ADRA1A: variants seen among roughly 807,000 people sequenced by gnomAD.
ADRA1A encodes the protein adrenoceptor alpha 1A.
In ADRA1A, 31 loss-of-function variants were observed where a neutral mutation model predicts 29.6. The ratio of observed to expected loss-of-function variants is 1.05; its 90% CI spans 0.79 to 1.41. ADRA1A has a LOEUF of 1.41. Among genes scored for constraint, ADRA1A ranks in the 40% most tolerant of loss-of-function variants. ADRA1A has a pLI of 0.00. For missense variants in ADRA1A, 619 were observed against 601.1 expected (o/e 1.03, Z -0.31); for synonymous variants, 311 against 254.3 (o/e 1.22, Z -2.12).
rs61756998 is a variant in ADRA1A, at chr8:26,847,851, G to A, written c.883+16236C>T. Among the ~76,000 whole-genome samples, 717 of 152,330 alleles carry A rather than the reference G, an allele frequency of 4.7e-3. 7 individuals are homozygous for A. The highest frequency in any genetic ancestry group is 0.023 in the East Asian group (118 of 5,170). On this transcript the variant is annotated intron_variant, in intron 2 of 2. Transcript: ENST00000380573. ...GTGCTCCAGATCCCCCTCAGCAGCC[G>A]CTGCCAGCAGGAAGGGAGGGCTGAG...
rs1342263046 is a variant in ADRA1A at position 26,865,285 on chromosome 8, C to A, written c.-316G>T. 1 of 1,224,286 alleles carries A rather than the reference C, an allele frequency of 8.2e-7. No homozygotes were observed. The highest frequency in any genetic ancestry group is 1.0e-6 in the Non-Finnish European group (1 of 978,542). 75.8% of individuals were successfully genotyped at this position (1,224,286 alleles called of 1,614,324 possible). A position where few individuals can be genotyped will look rare whatever the true frequency, so the allele number is the denominator to read the frequency against. ...CTCCCTCCCTACCCGAAGCTGGGTG[C>A]GAAGATCCAGGAGACTCCTTGCAAC... On this transcript the variant is annotated 5_prime_UTR_variant, in exon 2 of 3. Coordinates refer to ENST00000380573, the MANE Select transcript of ADRA1A (RefSeq NM_000680.4). This position sits in a 1 kb window ranked among gnomAD's most constrained non-coding sequence, Gnocchi z 7.6.
intron 2 of ADRA1A, among the ~76,000 whole-genome samples, chr8:26,832,026 C>G (rs1811010164): frequency 6.6e-6 from 1 of 152,252 alleles, no homozygotes. Flanking sequence ...ATCTGAGAAT[C>G]CAGGGACGCT....
chr8:26,777,096 C>G (rs1806601320), intron 2 of ADRA1A, among the ~76,000 whole-genome samples: 1 of 152,202 alleles, frequency 6.6e-6, no homozygotes, highest in African/African-American at 2.4e-5. Flanking sequence ...TAAGAGCAGA[C>G]CAGAGTCTAC....
chr8:26,788,643 T>A (rs1807583616), intron 2 of ADRA1A, among the ~76,000 whole-genome samples: 2 of 152,176 alleles, frequency 1.3e-5, no homozygotes, highest in African/African-American at 4.8e-5. Flanking sequence ...GTAGGCATTG[T>A]TTATCCCCAT....
rs1810505891 is a variant in ADRA1A, at chr8:26,825,667, T to C, written c.883+38420A>G. On this transcript the variant is annotated intron_variant, in intron 2 of 2. Transcript: ENST00000380573. This position sits in a 1 kb window ranked among gnomAD's most constrained non-coding sequence, Gnocchi z 5.7. Reference sequence around the variant, plus strand: ...AGCCTTCACAGAGCAACTGTCATTCTTTAGGAAAAATCAAAATTTAGCTTG... The same window carrying C: ...AGCCTTCACAGAGCAACTGTCATTCCTTAGGAAAAATCAAAATTTAGCTTG... Among the ~76,000 whole-genome samples, 2 of 152,244 alleles carry C rather than the reference T, an allele frequency of 1.3e-5. No individual in the cohort carries two copies. The highest frequency in any genetic ancestry group is 2.9e-5 in the Non-Finnish European group (2 of 68,038).
intron 2 of ADRA1A, among the ~76,000 whole-genome samples, chr8:26,850,518 C>G (rs771583076): frequency 3.3e-5 from 5 of 152,170 alleles, no homozygotes; most frequent in Non-Finnish European, 7.3e-5. Context: ...TTGTCAGAGA[C>G]AAAGTGTTGC....
In ADRA1A at chr8:26,860,496, G is replaced by A. The variant is rs917675804; in HGVS notation, c.883+3591C>T. On this transcript the variant is annotated intron_variant, in intron 2 of 2. Coordinates refer to ENST00000380573, the MANE Select transcript of ADRA1A (RefSeq NM_000680.4). The surrounding 1 kb of genome is among the most constrained non-coding windows in gnomAD (Gnocchi z 4.7). Reference sequence around the variant, plus strand: ...CCCGCTGTACTTTAATGTTATGACCGTAAATCTCAGATAGGCCTTCAGGAC... The same window carrying A: ...CCCGCTGTACTTTAATGTTATGACCATAAATCTCAGATAGGCCTTCAGGAC... Among the ~76,000 whole-genome samples, 3 of 152,048 alleles carry A rather than the reference G, an allele frequency of 2.0e-5. No homozygotes were observed. Among genetic ancestry groups the A allele is most frequent in the African/African-American group, 7.2e-5 (3 of 41,388 alleles).
chr8:26,854,147 G>A (rs1480127541), intron 2 of ADRA1A: 1 of 152,258 alleles, frequency 6.6e-6, no homozygotes, highest in African/African-American at 2.4e-5. Context: ...TTCCCTGAGG[G>A]ACTGTGAGAA....
chr8:26,768,189 G>A (rs1430365176), downstream of ADRA1A, among the ~76,000 whole-genome samples: 2 of 152,158 alleles, frequency 1.3e-5, no homozygotes, highest in African/African-American at 2.4e-5. Context: ...AAGAGATTTG[G>A]TTTTAAGAAG....
chr8:26,759,037 G>A (rs1306697465), intron 2 of ADRA1A, among the ~76,000 whole-genome samples: 2 of 152,144 alleles, frequency 1.3e-5, no homozygotes, highest in Non-Finnish European at 2.9e-5. Flanking sequence ...ATGCATTATA[G>A]GCAGCAAAAT....
chr8:26,836,174 G>C, intron 2 of ADRA1A: 1 of 244,320 alleles, frequency 4.1e-6, no homozygotes, highest in Admixed American at 4.2e-5. Flanking sequence ...GGTTGGGGAA[G>C]CGTCTGTCAA....
At chr8:26,765,388 C>T (rs1328254838), downstream of ADRA1A, among the ~76,000 whole-genome samples, 2 of 152,222 alleles carry the variant, frequency 1.3e-5, no homozygotes, top group Non-Finnish European at 2.9e-5. Context: ...TGATCATCTC[C>T]ACTCATTCTG....
intron 2 of ADRA1A, among the ~76,000 whole-genome samples, chr8:26,758,308 A>T (rs1805311399): frequency 6.6e-6 from 1 of 152,218 alleles, no homozygotes; most frequent in Non-Finnish European, 1.5e-5. Context: ...ACCTGAAGTG[A>T]GATAAAGAGC....
Position 26,825,321 on chromosome 8 carries a change from C to T in ADRA1A, c.883+38766G>A, listed in dbSNP as rs1294243719. Among the ~76,000 whole-genome samples the T allele has an allele frequency of 6.6e-6, 1 of 150,858 alleles. No homozygotes were observed. The highest frequency in any genetic ancestry group is 1.5e-5 in the Non-Finnish European group (1 of 67,726). On this transcript the variant is annotated intron_variant, in intron 2 of 2. Coordinates refer to ENST00000380573, the MANE Select transcript of ADRA1A (RefSeq NM_000680.4). The surrounding 1 kb of genome is among the most constrained non-coding windows in gnomAD (Gnocchi z 5.7). The stretch of plus-strand genomic sequence containing the variant: ...AGCTCCTTTTCTTTTCTTCTCTCTT[C>T]TTCCTGCCTTTAACCATTCTTCCAT...
Position 26,769,492 on chromosome 8 carries a change from C to T in ADRA1A, c.*657G>A, listed in dbSNP as rs1237317009. 1 of 985,282 alleles carries T rather than the reference C, an allele frequency of 1.0e-6. No individual in the cohort carries two copies. The highest frequency in any genetic ancestry group is 6.1e-5 in the Admixed American group (1 of 16,270). 61.0% of individuals were successfully genotyped at this position (985,282 alleles called of 1,614,324 possible). A position where few individuals can be genotyped will look rare whatever the true frequency, so the allele number is the denominator to read the frequency against. ...CCCAAGGATAGAGAACACTACATTC[C>T]AAGACATCATGAGTGCCCCTCACTC... On this transcript the variant is annotated 3_prime_UTR_variant, in exon 3 of 3. Coordinates refer to ENST00000380573, the MANE Select transcript of ADRA1A (RefSeq NM_000680.4).
At chr8:26,755,798 C>A (rs544248989), downstream of ADRA1A, among the ~76,000 whole-genome samples, 15 of 152,268 alleles carry the variant, frequency 9.9e-5, no homozygotes, top group Admixed American at 4.6e-4. Flanking sequence ...AGCACAGTAA[C>A]CCCACACTGA....
In ADRA1A at chr8:26,769,502, T is replaced by C. The variant is rs1805981346; in HGVS notation, c.*647A>G. On this transcript the variant is annotated 3_prime_UTR_variant, in exon 3 of 3. Transcript: ENST00000380573. ...GAGAACACTACATTCCAAGACATCA[T>C]GAGTGCCCCTCACTCTCATCTTTGG... 1.0e-6 allele frequency: 1 copy of C among 985,330 alleles called. No individual in the cohort carries two copies. Among genetic ancestry groups the C allele is most frequent in the African/African-American group, 1.7e-5 (1 of 57,250 alleles). 61.0% of individuals were successfully genotyped at this position (985,330 alleles called of 1,614,324 possible). A position where few individuals can be genotyped will look rare whatever the true frequency, so the allele number is the denominator to read the frequency against.
chr8:26,808,246 A>G (rs921140230), intron 2 of ADRA1A, among the ~76,000 whole-genome samples: 5 of 152,326 alleles, frequency 3.3e-5, no homozygotes, highest in African/African-American at 1.2e-4. Flanking sequence ...ATATACTTCT[A>G]CATATTGCTT....
Position 26,848,395 on chromosome 8 carries a change from C to A in ADRA1A, c.883+15692G>T, listed in dbSNP as rs528371444. Among the ~76,000 whole-genome samples, 12 of 152,290 alleles carry A rather than the reference C, an allele frequency of 7.9e-5. No individual in the cohort carries two copies. The highest frequency in any genetic ancestry group is 1.9e-4 in the African/African-American group (8 of 41,556). On this transcript the variant is annotated intron_variant, in intron 2 of 2. Transcript: ENST00000380573. This position sits in a 1 kb window ranked among gnomAD's most constrained non-coding sequence, Gnocchi z 4.3. Reference sequence around the variant, plus strand: ...GACTAGATGATGTCACGAGGGTGAACCCTCATAATGAGATTCATGCCCTTA... The same window carrying A: ...GACTAGATGATGTCACGAGGGTGAAACCTCATAATGAGATTCATGCCCTTA...
Sources: gnomAD v4.1 joint callset for allele counts (sites outside exome capture counted in the v4.1 genomes callset) on GRCh38, gnomAD v4.1.1 for gene constraint, Gnocchi (gnomAD v3.1) non-coding constraint, MANE v1.5 for transcripts, NCBI Gene and HGNC (gene_info 2026-07-23, HGNC 2026-07-21) for gene names.